CPED1: variants seen among roughly 807,000 people sequenced by gnomAD.
CPED1 encodes the protein cadherin like and PC-esterase domain containing 1.
In CPED1, 114 loss-of-function variants were observed where a neutral mutation model predicts 128.2. The observed-to-expected ratio is 0.89, with a 90% CI of 0.76 to 1.04. The LOEUF (loss-of-function observed/expected upper bound fraction) is 1.04, where lower values mean the gene tolerates loss of function less well. Among genes scored for constraint, CPED1 ranks in the 50% least tolerant of loss-of-function variants. The pLI is 0.00. For missense variants in CPED1, 1,211 were observed against 1,207.1 expected (o/e 1.00, Z -0.05); for synonymous variants, 462 against 426.7 (o/e 1.08, Z -1.02).
intron 16 of CPED1, among the ~76,000 whole-genome samples, chr7:121,176,984 C>T (rs1034063800): frequency 1.3e-5 from 2 of 152,018 alleles, no homozygotes; most frequent in African/African-American, 4.8e-5. Flanking sequence ...CTTGTAGCTA[C>T]TTAATTTGAC....
At chr7:121,109,250 A>G (rs1193576453) in intron 7 of CPED1, among the ~76,000 whole-genome samples, 1 of 152,142 alleles carries the variant, frequency 6.6e-6, no homozygotes, top group Non-Finnish European at 1.5e-5. Flanking sequence ...ATAAAGACGT[A>G]TTTCATTGCT....
chr7:121,262,020 G>T (rs1054247616), intron 18 of CPED1: 2 of 336,834 alleles, frequency 5.9e-6, no homozygotes, highest in Non-Finnish European at 1.1e-5. Context: ...TCATGGGGAT[G>T]GATCCTTCAT....
At chr7:121,058,095 C>T (rs994882816) in intron 4 of CPED1, among the ~76,000 whole-genome samples, 1 of 151,834 alleles carries the variant, frequency 6.6e-6, no homozygotes, top group African/African-American at 2.4e-5. Context: ...TTCCATGTGA[C>T]TGAAGTAGAG....
chr7:121,106,155 A>G (rs17143161), intron 7 of CPED1, among the ~76,000 whole-genome samples: 69,153 of 151,816 alleles, frequency 0.46, 16,719 homozygotes, highest in East Asian at 0.83. Flanking sequence ...ATTTGGGGAA[A>G]ATATGATTTA....
intron 16 of CPED1, among the ~76,000 whole-genome samples, chr7:121,181,436 A>G (rs1407995894): frequency 1.3e-5 from 2 of 152,112 alleles, no homozygotes; most frequent in African/African-American, 2.4e-5. Context: ...TAGAATCTCA[A>G]TTGTTTTTTG....
At chr7:121,003,846 A>G (rs747602255) in intron 2 of CPED1, among the ~76,000 whole-genome samples, 12 of 152,208 alleles carry the variant, frequency 7.9e-5, no homozygotes, top group Non-Finnish European at 1.2e-4. Context: ...AAAGGACCAG[A>G]TAAGAAGGCC....
chr7:121,217,500 A>G (rs1431138663), intron 16 of CPED1, among the ~76,000 whole-genome samples: 2 of 152,064 alleles, frequency 1.3e-5, no homozygotes, highest in African/African-American at 2.4e-5. Flanking sequence ...ATTTTCTATA[A>G]CCATTTCCTA....
At chr7:121,042,945 C>A (rs1793096083) in intron 3 of CPED1, among the ~76,000 whole-genome samples, 1 of 152,132 alleles carries the variant, frequency 6.6e-6, no homozygotes, top group South Asian at 2.1e-4. Flanking sequence ...AAGTCACCAC[C>A]CAAATTGACC....
At chr7:120,993,898 C>A in intron 2 of CPED1, 1 of 265,744 alleles carries the variant, frequency 3.8e-6, no homozygotes, top group South Asian at 3.1e-5. Flanking sequence ...ATGGTATTTG[C>A]AGGTTGAGTT....
At chr7:121,028,493 G>T (rs1398332306) in intron 3 of CPED1, among the ~76,000 whole-genome samples, 4 of 152,162 alleles carry the variant, frequency 2.6e-5, no homozygotes, top group African/African-American at 9.7e-5. Context: ...CAAAGTATTT[G>T]TACATGTTAG....
intron 21 of CPED1, among the ~76,000 whole-genome samples, chr7:121,269,752 T>C (rs979793912): frequency 6.6e-6 from 1 of 152,102 alleles, no homozygotes. Flanking sequence ...ATTAGTGGCA[T>C]TGAACATTTT....
intron 4 of CPED1, among the ~76,000 whole-genome samples, chr7:121,053,853 A>T (rs1321340449): frequency 6.6e-6 from 1 of 152,242 alleles, no homozygotes; most frequent in Non-Finnish European, 1.5e-5. Flanking sequence ...GTTATAAATC[A>T]GTACTATTGT....
At chr7:121,242,183 A>G (rs1417692886) in intron 17 of CPED1, among the ~76,000 whole-genome samples, 1 of 152,166 alleles carries the variant, frequency 6.6e-6, no homozygotes, top group Non-Finnish European at 1.5e-5. Context: ...CGCTATAGTT[A>G]TTCTATATTA....
intron 2 of CPED1, among the ~76,000 whole-genome samples, chr7:121,008,196 A>G (rs1026544841): frequency 3.9e-5 from 6 of 152,140 alleles, no homozygotes; most frequent in African/African-American, 1.4e-4. Flanking sequence ...CCTTCCTGAC[A>G]TGGCTTTAGT....
At chr7:121,292,012 T>C (rs755416565) in intron 22 of CPED1, among the ~76,000 whole-genome samples, 1 of 152,102 alleles carries the variant, frequency 6.6e-6, no homozygotes, top group African/African-American at 2.4e-5. Context: ...TTGAAGAGTT[T>C]CTCTGTGGTG....
At chr7:121,215,840 A>T (rs1168440303) in intron 16 of CPED1, among the ~76,000 whole-genome samples, 1 of 152,080 alleles carries the variant, frequency 6.6e-6, no homozygotes, top group Non-Finnish European at 1.5e-5. Context: ...TGTCTTACAT[A>T]TTTTTTAATT....
At chr7:121,238,902 A>ATGAT (rs1160080706) in intron 17 of CPED1, among the ~76,000 whole-genome samples, 4 of 152,062 alleles carry the variant, frequency 2.6e-5, no homozygotes, top group Non-Finnish European at 4.4e-5. Flanking sequence ...AGATTTTAAA[A>ATGAT]TGATTGCTGA....
In CPED1 at chr7:121,190,146, G is replaced by T. The variant is rs900723200; in HGVS notation, c.2056-46568G>T. Among the ~76,000 whole-genome samples, 8 of 152,116 alleles carry T rather than the reference G, an allele frequency of 5.3e-5. No individual in the cohort carries two copies. In the East Asian group the frequency reaches 1.5e-3, roughly 29 times the overall value. Reference sequence around the variant, plus strand: ...TCAGAGAATGAGAAGGGACACTATTGTAATAGTGATGAGAAAAGCCCATTT... The same window carrying T: ...TCAGAGAATGAGAAGGGACACTATTTTAATAGTGATGAGAAAAGCCCATTT... On this transcript the variant is annotated intron_variant, in intron 16 of 22. Coordinates refer to ENST00000310396, the MANE Select transcript of CPED1 (RefSeq NM_024913.5).
At chr7:121,257,560 T>C (rs547322448) in intron 18 of CPED1, among the ~76,000 whole-genome samples, 2 of 152,126 alleles carry the variant, frequency 1.3e-5, no homozygotes, top group South Asian at 4.1e-4. Flanking sequence ...CAGTCAGGTG[T>C]ATACACTCAT....
Sources: gnomAD v4.1 joint callset for allele counts (sites outside exome capture counted in the v4.1 genomes callset) on GRCh38, gnomAD v4.1.1 for gene constraint, MANE v1.5 for transcripts, NCBI Gene and HGNC (gene_info 2026-07-23, HGNC 2026-07-21) for gene names.